The following RNF145 variants were observed in gnomAD, a reference collection of about 807,000 sequenced individuals.
The protein encoded by RNF145 is ring finger protein 145.
RNF145 carries 12 observed loss-of-function variants against 57.3 expected under a neutral mutation model. The observed-to-expected ratio is 0.21, with a 90% CI of 0.13 to 0.34. The LOEUF (loss-of-function observed/expected upper bound fraction) is 0.34. Ranked by LOEUF, RNF145 falls within the 10% of genes least tolerant of loss-of-function variation. RNF145 has a pLI of 1.00. For synonymous variants in RNF145, 262 were observed against 288.3 expected (o/e 0.91, Z 0.92); for missense variants, 429 against 799.0 (o/e 0.54, Z 5.58).
intron 1 of RNF145, chr5:159,207,591 C>A: frequency 6.3e-7 from 1 of 1,593,242 alleles, no homozygotes; most frequent in Non-Finnish European, 8.5e-7. Context: ...GTAGGCCTCA[C>A]TGAAAATGTT....
chr5:159,162,854 G>GA (rs933853688), intron 9 of RNF145, 78 bp downstream of exon 9: 1 of 1,182,338 alleles, frequency 8.5e-7, no homozygotes, highest in African/African-American at 1.6e-5. Flanking sequence ...CATTCATCTT[G>GA]AAAAAATTTA....
chr5:159,161,911 G>C (rs544289245), intron 9 of RNF145, among the ~76,000 whole-genome samples: 1 of 152,048 alleles, frequency 6.6e-6, no homozygotes, highest in Non-Finnish European at 1.5e-5. Context: ...TCAATTTTTT[G>C]ATTCATCTTT....
chr5:159,160,298 A>G (rs1299485734), intron 10 of RNF145, among the ~76,000 whole-genome samples: 1 of 152,228 alleles, frequency 6.6e-6, no homozygotes, highest in Non-Finnish European at 1.5e-5. Context: ...CCTGGAGAAC[A>G]TTGTTTAGCT....
At chr5:159,175,769 G>A (rs1784702189) in intron 5 of RNF145, among the ~76,000 whole-genome samples, 1 of 152,126 alleles carries the variant, frequency 6.6e-6, no homozygotes, top group African/African-American at 2.4e-5. Context: ...CTGCCCCTGG[G>A]GCCACAAGAG....
chr5:159,162,237 T>C (rs1039664710), intron 9 of RNF145, among the ~76,000 whole-genome samples: 3 of 152,080 alleles, frequency 2.0e-5, no homozygotes, highest in Admixed American at 6.5e-5. Flanking sequence ...TATTTTTGAG[T>C]GGAATTTAAA....
intron 1 of RNF145, chr5:159,208,280 A>G (rs944546530): frequency 3.6e-6 from 2 of 550,954 alleles, no homozygotes; most frequent in African/African-American, 1.9e-5. Flanking sequence ...TCTTCCAGGA[A>G]AGAGGCTCGA....
Position 159,209,250 on chromosome 5 carries a change from C to T in RNF145, c.-59G>A. 1 of 985,236 alleles carries T rather than the reference C, an allele frequency of 1.0e-6. No individual in the cohort carries two copies. Among genetic ancestry groups the T allele is most frequent in the Non-Finnish European group, 1.2e-6 (1 of 829,776 alleles). The allele number at this position is 985,236 out of a possible 1,614,324, so 61.0% of individuals were successfully genotyped here. ...GGTCACCTCAGGCTGCGGACTCCCT[C>T]CCTGGGGAGCGGCGCTGCCGGCGGG... On this transcript the variant is annotated 5_prime_UTR_variant, in exon 1 of 11. Coordinates refer to ENST00000424310, the MANE Select transcript of RNF145 (RefSeq NM_001199383.2).
At chr5:159,168,643 C>T (rs531226589) in intron 8 of RNF145, among the ~76,000 whole-genome samples, 2 of 152,100 alleles carry the variant, frequency 1.3e-5, no homozygotes, top group South Asian at 4.1e-4. Flanking sequence ...ATTACATGGC[C>T]TTTGATGTCA....
At chr5:159,176,589 T>C (rs759586621) in intron 5 of RNF145, 43 bp downstream of exon 5, 1 of 1,076,696 alleles carries the variant, frequency 9.3e-7, no homozygotes, top group Non-Finnish European at 1.4e-6. Flanking sequence ...TTAACATTTA[T>C]GTAGAATTTT....
At chr5:159,207,799 T>C (rs1785950262) in intron 1 of RNF145, 1 of 1,613,916 alleles carries the variant, frequency 6.2e-7, no homozygotes, top group Non-Finnish European at 8.5e-7. Flanking sequence ...TTTCTCATCA[T>C]CTCCCAAACC....
At chr5:159,190,935 G>C (rs1294930781) in intron 3 of RNF145, among the ~76,000 whole-genome samples, 1 of 151,932 alleles carries the variant, frequency 6.6e-6, no homozygotes, top group Non-Finnish European at 1.5e-5. Flanking sequence ...GCCATATCTT[G>C]AAATTCATTC....
At chr5:159,209,953 A>C, upstream of RNF145, 1 of 1,505,900 alleles carries the variant, frequency 6.6e-7, no homozygotes, top group South Asian at 1.2e-5. Context: ...CACTGACTGG[A>C]CTAGACTGTA....
At chr5:159,206,782 C>T (rs143742751) in intron 1 of RNF145, among the ~76,000 whole-genome samples, 195 of 152,230 alleles carry the variant, frequency 1.3e-3, no homozygotes, top group African/African-American at 4.4e-3. Flanking sequence ...GTTTAACACA[C>T]CCAAAGCCAA....
In RNF145 at chr5:159,165,405, G is replaced by A. The variant is rs1408992049; in HGVS notation, c.1122-2326C>T. 1.3e-3 allele frequency among the ~76,000 whole-genome samples: 14 copies of A among 10,588 alleles called. 6 individuals are homozygous for A. Among genetic ancestry groups the A allele is most frequent in the East Asian group, 8.0e-3 (8 of 1,000 alleles). The allele number at this position is 10,588 out of a possible 152,430, so 6.9% of individuals were successfully genotyped here. On this transcript the variant is annotated intron_variant, in intron 8 of 10. Transcript: ENST00000424310. ...TTAACATAAAAATAATATCCTGGCC[G>A]GGCGCGGTGGCTCACGCCTGTAATC...
At chr5:159,199,266 C>T (rs568522300) in intron 2 of RNF145, among the ~76,000 whole-genome samples, 1 of 151,944 alleles carries the variant, frequency 6.6e-6, no homozygotes, top group South Asian at 2.1e-4. Flanking sequence ...TACGTTCGGT[C>T]ACCCAAACAA....
chr5:159,168,348 T>A (rs540875812), intron 8 of RNF145, among the ~76,000 whole-genome samples: 4 of 152,288 alleles, frequency 2.6e-5, no homozygotes, highest in African/African-American at 9.6e-5. Context: ...TTGTCAAGAA[T>A]CCTTATAATC....
At chr5:159,199,585 C>T (rs1785591890) in intron 2 of RNF145, among the ~76,000 whole-genome samples, 1 of 152,122 alleles carries the variant, frequency 6.6e-6, no homozygotes, top group African/African-American at 2.4e-5. Context: ...AGTTCTGGCT[C>T]TCATTACCTC....
At chr5:159,182,845 T>C (rs914087846) in intron 3 of RNF145, among the ~76,000 whole-genome samples, 3 of 152,134 alleles carry the variant, frequency 2.0e-5, no homozygotes, top group Non-Finnish European at 4.4e-5. Context: ...GAAGGGAAGT[T>C]TGTGTAAAAA....
intron 3 of RNF145, among the ~76,000 whole-genome samples, chr5:159,191,425 T>TA (rs200281544): frequency 0.012 from 1,758 of 152,048 alleles, 29 homozygotes; most frequent in African/African-American, 0.038. Flanking sequence ...CAAAGGAACA[T>TA]AAAAAAAATC....
Sources: gnomAD v4.1 joint callset for allele counts (sites outside exome capture counted in the v4.1 genomes callset) on GRCh38, gnomAD v4.1.1 for gene constraint, MANE v1.5 for transcripts, NCBI Gene and HGNC (gene_info 2026-07-23, HGNC 2026-07-21) for gene names.